Variants in ALK observed in about 807,000 individuals in gnomAD.
ALK encodes the protein ALK tyrosine kinase receptor.
Under a neutral mutation model 163.1 loss-of-function variants are expected in ALK, and 74 were observed. The ratio of observed to expected loss-of-function variants is 0.45; its 90% CI spans 0.38 to 0.55. ALK has a LOEUF of 0.55. Ranked by LOEUF, ALK falls within the 20% of genes least tolerant of loss-of-function variation. The pLI, the probability that ALK is intolerant of heterozygous loss-of-function variation, is 0.00. For missense variants in ALK, 2,063 were observed against 2,105.3 expected (o/e 0.98, Z 0.39); for synonymous variants, 960 against 843.2 (o/e 1.14, Z -2.40).
intron 1 of ALK, among the ~76,000 whole-genome samples, chr2:29,805,548 G>A (rs939852755): frequency 1.3e-5 from 2 of 152,090 alleles, no homozygotes; most frequent in Admixed American, 6.6e-5. Context: ...CCGTGTCTAC[G>A]TATTCTCATT....
chr2:29,622,828 G>T (rs1676074201), intron 3 of ALK, among the ~76,000 whole-genome samples: 1 of 152,068 alleles, frequency 6.6e-6, no homozygotes, highest in Non-Finnish European at 1.5e-5. Context: ...ACTCAAGTCT[G>T]CCCCTTCCAG....
chr2:29,902,977 G>A (rs893889826), intron 1 of ALK, among the ~76,000 whole-genome samples: 3 of 152,150 alleles, frequency 2.0e-5, no homozygotes, highest in Non-Finnish European at 4.4e-5. Context: ...GGTGGGGTTG[G>A]TATCATCCCT....
chr2:29,239,592 G>T, intron 13 of ALK, 88 bp downstream of exon 13: 1 of 1,503,776 alleles, frequency 6.6e-7, no homozygotes, highest in Non-Finnish European at 9.2e-7. Flanking sequence ...GAACTTCCAG[G>T]AGGAGGGTGT....
intron 5 of ALK, among the ~76,000 whole-genome samples, chr2:29,380,495 C>T (rs903421984): frequency 4.6e-5 from 7 of 151,344 alleles, no homozygotes; most frequent in Admixed American, 2.0e-4. Context: ...CTTGGCTCAC[C>T]GCAACCTCCG....
chr2:29,741,914 C>T (rs570690848), intron 1 of ALK, among the ~76,000 whole-genome samples: 1 of 152,182 alleles, frequency 6.6e-6, no homozygotes, highest in Non-Finnish European at 1.5e-5. Context: ...GAGAGAATTA[C>T]TCACCCAAAG....
At chr2:29,214,966 G>A (rs1669562243) in intron 23 of ALK, among the ~76,000 whole-genome samples, 1 of 151,700 alleles carries the variant, frequency 6.6e-6, no homozygotes, top group Non-Finnish European at 1.5e-5. Flanking sequence ...TGAGTGTTGC[G>A]TGGCTGATTG....
intron 7 of ALK, 33 bp downstream of exon 7, chr2:29,320,718 G>A: frequency 6.2e-7 from 1 of 1,612,408 alleles, no homozygotes; most frequent in Admixed American, 1.7e-5. Flanking sequence ...CATGAAGATG[G>A]GCACCAGAGA....
chr2:29,354,670 G>C (rs559655301), intron 5 of ALK, among the ~76,000 whole-genome samples: 1 of 152,208 alleles, frequency 6.6e-6, no homozygotes, highest in South Asian at 2.1e-4. Flanking sequence ...CACCTCTTTT[G>C]AGGAGCAAGA....
intron 4 of ALK, among the ~76,000 whole-genome samples, chr2:29,434,869 A>T (rs933466974): frequency 6.6e-6 from 1 of 152,218 alleles, no homozygotes; most frequent in Non-Finnish European, 1.5e-5. Context: ...GCAAGAGAAC[A>T]GTCAATTTTG....
intron 3 of ALK, among the ~76,000 whole-genome samples, chr2:29,587,480 TCC>T (rs1029469944): frequency 6.6e-6 from 1 of 152,208 alleles, no homozygotes; most frequent in African/African-American, 2.4e-5. Context: ...ATTTTTGTTT[TCC>T]CCCCTGAGGT....
chr2:29,819,760 C>G (rs547787703), intron 1 of ALK, among the ~76,000 whole-genome samples: 1 of 152,290 alleles, frequency 6.6e-6, no homozygotes, highest in African/African-American at 2.4e-5. Context: ...CTGAATGTTT[C>G]AGCTCCTGTG....
At chr2:29,519,013 T>A (rs1672744711) in intron 4 of ALK, among the ~76,000 whole-genome samples, 1 of 152,242 alleles carries the variant, frequency 6.6e-6, no homozygotes. Flanking sequence ...GCTATCGTTG[T>A]TAAAAGCATT....
chr2:29,718,713 A>G (rs1230321893), intron 1 of ALK, among the ~76,000 whole-genome samples: 1 of 152,136 alleles, frequency 6.6e-6, no homozygotes, highest in African/African-American at 2.4e-5. Context: ...ATCAACTGAG[A>G]CCTAGAGAGG....
chr2:29,597,763 C>T (rs1482774859), intron 3 of ALK, among the ~76,000 whole-genome samples: 1 of 152,270 alleles, frequency 6.6e-6, no homozygotes, highest in African/African-American at 2.4e-5. Context: ...ACTCCTGGAG[C>T]GTTCTCTCCT....
chr2:29,411,890 G>A (rs1669733266), intron 4 of ALK, among the ~76,000 whole-genome samples: 1 of 152,170 alleles, frequency 6.6e-6, no homozygotes, highest in African/African-American at 2.4e-5. Context: ...TTGAAGTCAT[G>A]GATGAGCCTC....
intron 3 of ALK, among the ~76,000 whole-genome samples, chr2:29,652,826 C>T (rs1382225156): frequency 2.0e-5 from 3 of 152,166 alleles, no homozygotes; most frequent in Admixed American, 6.5e-5. Flanking sequence ...GGGAGCACCA[C>T]ACCCCTTCCC....
At position 29,222,416 on chromosome 2, in the gene ALK, G is replaced by A. The variant is rs1305183150; in HGVS notation, c.3451-8C>T. 1 of 1,614,106 alleles carries A rather than the reference G, an allele frequency of 6.2e-7. No homozygotes were observed. Among genetic ancestry groups the A allele is most frequent in the Admixed American group, 1.7e-5 (1 of 60,016 alleles). ...GCACACTTCAGGCAGCGTCTGGGCA[G>A]AGAAGGGGAGGGTGGGGAGGAGGAG... is the stretch of plus-strand genomic sequence containing the variant. On this transcript the variant is annotated splice_polypyrimidine_tract_variant and splice_region_variant and intron_variant, in intron 21 of 28. Transcript: ENST00000389048.
chr2:29,822,070 T>C (rs539364775), intron 1 of ALK, among the ~76,000 whole-genome samples: 5 of 152,336 alleles, frequency 3.3e-5, no homozygotes, highest in Admixed American at 2.0e-4. Flanking sequence ...GGAACTTCTA[T>C]TGTCCTTTTC....
At chr2:29,366,367 A>G (rs1668507959) in intron 5 of ALK, among the ~76,000 whole-genome samples, 1 of 152,170 alleles carries the variant, frequency 6.6e-6, no homozygotes, top group South Asian at 2.1e-4. Context: ...GTGTGCCCCA[A>G]GTTAGCACTG....
Sources: allele counts gnomAD v4.1 joint callset (sites outside exome capture counted in the v4.1 genomes callset), GRCh38; gene constraint gnomAD v4.1.1; transcripts MANE v1.5; gene names NCBI Gene and HGNC (gene_info 2026-07-23, HGNC 2026-07-21).